Variants in PPFIA2 observed in about 807,000 individuals in gnomAD.
The protein encoded by PPFIA2 is liprin-alpha-2.
Under a neutral mutation model 175.5 loss-of-function variants are expected in PPFIA2, and 46 were observed. That is an observed-to-expected ratio of 0.26 (90% CI 0.21 to 0.34). PPFIA2 has a LOEUF of 0.34. PPFIA2 is among the 10% of genes least tolerant of loss of function. PPFIA2 has a pLI of 1.00. For synonymous variants in PPFIA2, 568 were observed against 511.4 expected (o/e 1.11, Z -1.49); for missense variants, 1,179 against 1,506.1 (o/e 0.78, Z 3.60).
intron 30 of PPFIA2, 112 bp from the exon 31 acceptor site, chr12:81,263,502 G>T: frequency 1.1e-6 from 1 of 897,840 alleles, no homozygotes; most frequent in Non-Finnish European, 1.6e-6. Flanking sequence ...AGTCTGTCAA[G>T]TATACGTATG....
chr12:81,668,806 T>G (rs1285147727), intron 4 of PPFIA2, among the ~76,000 whole-genome samples: 1 of 152,042 alleles, frequency 6.6e-6, no homozygotes, highest in African/African-American at 2.4e-5. Flanking sequence ...TCAATGGCAC[T>G]ATGTTTTGGG....
intron 4 of PPFIA2, among the ~76,000 whole-genome samples, chr12:81,652,969 A>G (rs2067240290): frequency 1.3e-5 from 2 of 151,996 alleles, no homozygotes. Flanking sequence ...AATTTTCCTC[A>G]ATATACGAAT....
At chr12:81,285,732 G>GTGCAACTA (rs1196898938) in intron 24 of PPFIA2, among the ~76,000 whole-genome samples, 1 of 152,066 alleles carries the variant, frequency 6.6e-6, no homozygotes, top group Non-Finnish European at 1.5e-5. Context: ...AGTATAGCAC[G>GTGCAACTA]TGCAACTATG....
At chr12:81,666,761 TA>T (rs1448247179) in intron 4 of PPFIA2, among the ~76,000 whole-genome samples, 4 of 151,282 alleles carry the variant, frequency 2.6e-5, no homozygotes, top group Non-Finnish European at 5.9e-5. Flanking sequence ...TAAAGTATAA[TA>T]AAAAATAAAA....
At chr12:81,661,894 C>T (rs1421402265) in intron 4 of PPFIA2, among the ~76,000 whole-genome samples, 1 of 152,152 alleles carries the variant, frequency 6.6e-6, no homozygotes, top group Non-Finnish European at 1.5e-5. Flanking sequence ...GATTAAGAAA[C>T]TCATTCAAAA....
intron 5 of PPFIA2, among the ~76,000 whole-genome samples, chr12:81,452,384 T>C (rs1199197361): frequency 1.3e-5 from 2 of 152,198 alleles, no homozygotes; most frequent in African/African-American, 4.8e-5. Flanking sequence ...TAGCATGACA[T>C]TAACATCTGA....
intron 4 of PPFIA2, among the ~76,000 whole-genome samples, chr12:81,576,801 T>G (rs1277578245): frequency 4.0e-5 from 6 of 151,852 alleles, no homozygotes; most frequent in Non-Finnish European, 8.8e-5. Flanking sequence ...TTAAAACAAG[T>G]TATTCAACTA....
intron 4 of PPFIA2, among the ~76,000 whole-genome samples, chr12:81,600,556 T>A (rs2059682982): frequency 6.6e-6 from 1 of 152,000 alleles, no homozygotes; most frequent in African/African-American, 2.4e-5. Flanking sequence ...TAAGCAGCTA[T>A]ATTATTCAAT....
At chr12:81,509,630 G>A (rs752652537) in intron 4 of PPFIA2, among the ~76,000 whole-genome samples, 1 of 146,212 alleles carries the variant, frequency 6.8e-6, no homozygotes, top group Non-Finnish European at 1.5e-5. Flanking sequence ...CTTGATTCCT[G>A]ACTTCCTCTG....
Position 81,437,523 on chromosome 12 carries a change from A to G in PPFIA2, c.645+2449T>C, listed in dbSNP as rs2144839146. On this transcript the variant is annotated intron_variant, in intron 7 of 32. Transcript: ENST00000549396. ...GCTGGGATTACAGGTGTGAACCACC[A>G]CACCTGGCCTATGGGACACTTTTAT... 2.6e-5 allele frequency among the ~76,000 whole-genome samples: 4 copies of G among 152,166 alleles called. No homozygotes were observed. In the South Asian group the frequency reaches 8.3e-4, roughly 32 times the overall value.
rs529075425 is a variant in PPFIA2 at position 81,262,059 on chromosome 12, G to A, written c.3716-19C>T. On this transcript the variant is annotated intron_variant, in intron 31 of 32. Coordinates refer to ENST00000549396, the MANE Select transcript of PPFIA2 (RefSeq NM_003625.5). Reference sequence around the variant, plus strand: ...GAAGCAACTGCAAATGGAGAAAAGGGCTTTAGAGGGACTTGGATGATTGAG... The same window carrying A: ...GAAGCAACTGCAAATGGAGAAAAGGACTTTAGAGGGACTTGGATGATTGAG... The A allele has an allele frequency of 6.6e-6, 10 of 1,510,674 alleles. No individual in the cohort carries two copies. In the African/African-American group the frequency reaches 9.6e-5, roughly 15 times the overall value. 93.6% of individuals were successfully genotyped at this position (1,510,674 alleles called of 1,614,324 possible).
At chr12:81,511,304 T>C (rs577713600) in intron 4 of PPFIA2, among the ~76,000 whole-genome samples, 13 of 152,224 alleles carry the variant, frequency 8.5e-5, no homozygotes, top group Non-Finnish European at 1.3e-4. Flanking sequence ...AGACACTTTG[T>C]GATGGGTGTG....
intron 24 of PPFIA2, among the ~76,000 whole-genome samples, chr12:81,294,049 C>G (rs1460553576): frequency 2.0e-5 from 3 of 151,104 alleles, no homozygotes; most frequent in East Asian, 2.0e-4. Flanking sequence ...AAAAAAAAAT[C>G]AAATACAACA....
At chr12:81,313,090 G>A (rs10862290) in intron 22 of PPFIA2, among the ~76,000 whole-genome samples, 24,566 of 151,918 alleles carry the variant, frequency 0.16, 2,772 homozygotes, top group East Asian at 0.42. Flanking sequence ...TCACTAAAAC[G>A]ACATTGATAC....
At chr12:81,633,059 C>A (rs2063577565) in intron 4 of PPFIA2, among the ~76,000 whole-genome samples, 1 of 152,058 alleles carries the variant, frequency 6.6e-6, no homozygotes, top group African/African-American at 2.4e-5. Flanking sequence ...TTCATGCCCA[C>A]CCTTTTGATG....
At chr12:81,573,406 C>A (rs372442891) in intron 4 of PPFIA2, among the ~76,000 whole-genome samples, 117 of 151,942 alleles carry the variant, frequency 7.7e-4, no homozygotes, top group African/African-American at 2.6e-3. Flanking sequence ...GAGCTTAGAT[C>A]GCCATTCTGG....
At chr12:81,387,953 G>A (rs2039344135) in intron 8 of PPFIA2, among the ~76,000 whole-genome samples, 1 of 152,008 alleles carries the variant, frequency 6.6e-6, no homozygotes, top group Non-Finnish European at 1.5e-5. Flanking sequence ...AGCAGAAAGG[G>A]GAATACAGAC....
chr12:81,373,473 TGAAA>T (rs2035660103), intron 11 of PPFIA2, among the ~76,000 whole-genome samples: 1 of 151,986 alleles, frequency 6.6e-6, no homozygotes, highest in Non-Finnish European at 1.5e-5. Flanking sequence ...CACATATTCC[TGAAA>T]TTGCCAGAGT....
At chr12:81,305,937 G>C (rs1021903225) in intron 22 of PPFIA2, among the ~76,000 whole-genome samples, 5 of 152,216 alleles carry the variant, frequency 3.3e-5, no homozygotes, top group African/African-American at 4.8e-5. Flanking sequence ...TCCTACTGTG[G>C]ATGGTTTATC....
Sources: gnomAD v4.1 joint callset for allele counts (sites outside exome capture counted in the v4.1 genomes callset) on GRCh38, gnomAD v4.1.1 for gene constraint, MANE v1.5 for transcripts, NCBI Gene and HGNC (gene_info 2026-07-23, HGNC 2026-07-21) for gene names.